Variants in RAD54B observed in about 807,000 individuals in gnomAD.
RAD54B encodes the protein RAD54 homolog B.
A neutral mutation model predicts 95.8 loss-of-function variants in RAD54B; 78 were observed. That is an observed-to-expected ratio of 0.81 (90% CI 0.68 to 0.98). The LOEUF (loss-of-function observed/expected upper bound fraction) is 0.98. RAD54B is among the 50% of genes least tolerant of loss of function. The pLI, the probability that RAD54B is intolerant of heterozygous loss-of-function variation, is 0.00. For synonymous variants in RAD54B, 328 were observed against 354.9 expected, an observed-to-expected ratio of 0.92 and a Z score of 0.85; for missense variants, 957 against 1,056.6, an observed-to-expected ratio of 0.91 and a Z score of 1.31.
intron 4 of RAD54B, 134 bp downstream of exon 4, chr8:94,410,987 A>G (rs1257125923): frequency 3.1e-6 from 2 of 643,864 alleles, no homozygotes; most frequent in Non-Finnish European, 5.2e-6. Context: ...TGTATTATAC[A>G]CAGTTGAGGC....
At chr8:94,459,550 G>A (rs2919658) in intron 2 of RAD54B, among the ~76,000 whole-genome samples, 37,821 of 151,832 alleles carry the variant, frequency 0.25, 5,621 homozygotes, top group East Asian at 0.43. Context: ...GACTTGAGCT[G>A]GAGTGGAAAA....
chr8:94,434,809 T>C (rs1384851526), intron 3 of RAD54B, among the ~76,000 whole-genome samples: 1 of 151,616 alleles, frequency 6.6e-6, no homozygotes, highest in African/African-American at 2.4e-5. Flanking sequence ...ACCTAACAAA[T>C]TGGTATTATT....
At chr8:94,419,670 C>T (rs892362756) in intron 3 of RAD54B, among the ~76,000 whole-genome samples, 5 of 146,968 alleles carry the variant, frequency 3.4e-5, no homozygotes, top group East Asian at 2.0e-4. Context: ...TACTAAGTTA[C>T]GGGGCTGTTA....
chr8:94,442,774 C>G (rs1194059774), intron 3 of RAD54B, among the ~76,000 whole-genome samples: 2 of 151,898 alleles, frequency 1.3e-5, no homozygotes, highest in Non-Finnish European at 2.9e-5. Context: ...ATCTTAGGAC[C>G]CCAAACTCAT....
intron 11 of RAD54B, among the ~76,000 whole-genome samples, chr8:94,384,313 G>A (rs963602471): frequency 3.3e-5 from 5 of 152,156 alleles, no homozygotes; most frequent in Non-Finnish European, 7.4e-5. Flanking sequence ...ATATTGTTTA[G>A]CCTTAAAAAG....
chr8:94,400,856 TAA>T (rs1364446917), intron 6 of RAD54B, among the ~76,000 whole-genome samples: 1 of 152,176 alleles, frequency 6.6e-6, no homozygotes, highest in Non-Finnish European at 1.5e-5. Context: ...GTATTATATT[TAA>T]TCAGCAAGAT....
intron 11 of RAD54B, among the ~76,000 whole-genome samples, chr8:94,381,842 G>A (rs1448579511): frequency 2.0e-5 from 3 of 152,080 alleles, no homozygotes; most frequent in Admixed American, 6.5e-5. Context: ...GGCCGGGCGC[G>A]GTGGCTCAAG....
intron 14 of RAD54B, among the ~76,000 whole-genome samples, chr8:94,375,641 T>C (rs1283506794): frequency 1.3e-5 from 2 of 152,098 alleles, no homozygotes; most frequent in African/African-American, 2.4e-5. Flanking sequence ...GGGGATAAAT[T>C]ATGATATATC....
rs756201931 is a variant in RAD54B, at chr8:94,411,232, AAAC to A, written c.385_387del (p.Val129del). On this transcript the variant is annotated inframe_deletion, in exon 4 of 15. Transcript: ENST00000336148. The stretch of plus-strand genomic sequence containing the variant: ...TGTTTTTTCTTTGAAGGCTTACACC[AAAC>A]AACACTGAAATATTTAACTAGGCTA... 34 of 1,612,228 alleles carry A rather than the reference AAAC, an allele frequency of 2.1e-5. No individual in the cohort carries two copies. In the South Asian group the frequency reaches 3.7e-4, roughly 18 times the overall value.
intron 8 of RAD54B, among the ~76,000 whole-genome samples, chr8:94,394,913 G>C (rs751289260): frequency 6.6e-6 from 1 of 152,062 alleles, no homozygotes; most frequent in African/African-American, 2.4e-5. Context: ...CCCACCCCCA[G>C]GTTGGACCAG....
intron 3 of RAD54B, chr8:94,436,364 G>T: frequency 1.7e-6 from 2 of 1,204,106 alleles, no homozygotes; most frequent in Non-Finnish European, 2.2e-6. Flanking sequence ...TTTAAAAAAT[G>T]CAAAACAAAG....
chr8:94,418,287 A>AT (rs1015942709), intron 3 of RAD54B, among the ~76,000 whole-genome samples: 6 of 152,140 alleles, frequency 3.9e-5, no homozygotes, highest in African/African-American at 9.7e-5. Flanking sequence ...AAGAAATGAA[A>AT]TTACCAGTCC....
chr8:94,414,505 A>G (rs1811606410), intron 3 of RAD54B, among the ~76,000 whole-genome samples: 1 of 152,188 alleles, frequency 6.6e-6, no homozygotes, highest in African/African-American at 2.4e-5. Flanking sequence ...TGTCCTATCA[A>G]TACCTAATTT....
intron 6 of RAD54B, among the ~76,000 whole-genome samples, chr8:94,403,315 G>T (rs1166569916): frequency 6.6e-6 from 1 of 152,032 alleles, no homozygotes; most frequent in Non-Finnish European, 1.5e-5. Context: ...TCTTTAATCA[G>T]AAAATGCAAA....
intron 1 of RAD54B, among the ~76,000 whole-genome samples, chr8:94,471,620 CG>C (rs1017235023): frequency 6.6e-6 from 1 of 151,914 alleles, no homozygotes; most frequent in African/African-American, 2.4e-5. Context: ...AATACACAAT[CG>C]TTTTTTAAAA....
chr8:94,467,383 C>T (rs989832393), intron 2 of RAD54B, 22 bp downstream of exon 2: 6 of 1,578,182 alleles, frequency 3.8e-6, no homozygotes, highest in Non-Finnish European at 5.2e-6. Context: ...TTATCTATAT[C>T]ATGAGTCTTT....
rs377005359 is a variant in RAD54B at position 94,385,597 on chromosome 8, CTTGTTG to C, written c.1985+1381_1985+1386del. Among the ~76,000 whole-genome samples the C allele has an allele frequency of 5.3e-5, 8 of 152,042 alleles. No individual in the cohort carries two copies. In the South Asian group the frequency reaches 1.0e-3, roughly 20 times the overall value. ...ATAGGAGAAAGCATGAGAGCTGAGT[CTTGTTG>C]TTGTTGTTGTTATTTTGTAGAAAAG... On this transcript the variant is annotated intron_variant, in intron 11 of 14. Coordinates refer to ENST00000336148, the MANE Select transcript of RAD54B (RefSeq NM_012415.3).
chr8:94,422,602 AAAAAAAAAAAAAAAAATATAT>A (rs1485249792), intron 3 of RAD54B, among the ~76,000 whole-genome samples: 3 of 95,508 alleles, frequency 3.1e-5, no homozygotes, highest in African/African-American at 1.0e-4. Flanking sequence ...AAAAAAAAAA[AAAAAAAAAAAAAAAAATATAT>A]ATATATATAT....
intron 11 of RAD54B, among the ~76,000 whole-genome samples, chr8:94,381,409 G>A (rs1810736343): frequency 6.6e-6 from 1 of 152,192 alleles, no homozygotes; most frequent in African/African-American, 2.4e-5. Context: ...ATGTTTTACT[G>A]CTTCACTCTT....
Sources: allele counts gnomAD v4.1 joint callset (sites outside exome capture counted in the v4.1 genomes callset), GRCh38; gene constraint gnomAD v4.1.1; transcripts MANE v1.5; gene names NCBI Gene and HGNC (gene_info 2026-07-23, HGNC 2026-07-21).